LYPLAL1: variants seen among roughly 807,000 people sequenced by gnomAD.
The protein encoded by LYPLAL1 is lysophospholipase like 1.
In LYPLAL1, 23 loss-of-function variants were observed where a neutral mutation model predicts 19.7. The observed-to-expected ratio is 1.17, with a 90% confidence interval of 0.84 to 1.65. The LOEUF (loss-of-function observed/expected upper bound fraction) is 1.65. LYPLAL1 is among the 40% of genes most tolerant of loss of function. The probability of loss-of-function intolerance (pLI) is 0.00; values close to 1 mark genes in which losing one functional copy is unlikely to be tolerated. For synonymous variants in LYPLAL1, 119 were observed against 96.3 expected, an observed-to-expected ratio of 1.24 and a Z score of -1.38; for missense variants, 355 against 279.4, an observed-to-expected ratio of 1.27 and a Z score of -1.93.
downstream of LYPLAL1, among the ~76,000 whole-genome samples, chr1:219,217,244 T>A (rs921633969): frequency 6.6e-6 from 1 of 152,132 alleles, no homozygotes; most frequent in Non-Finnish European, 1.5e-5. Flanking sequence ...GCTTGTGACA[T>A]GTTCAGTGTA....
chr1:219,292,598 C>T, the LYPLAL1 span, among the ~76,000 whole-genome samples: 2 of 152,294 alleles, frequency 1.3e-5, no homozygotes, highest in South Asian at 4.1e-4. Context: ...TTCCCCAGCA[C>T]AGCTGCCTTT....
chr1:219,248,850 G>C, the LYPLAL1 span, among the ~76,000 whole-genome samples: 1 of 151,908 alleles, frequency 6.6e-6, no homozygotes, highest in Non-Finnish European at 1.5e-5. Flanking sequence ...ACAGATAAAC[G>C]CAAAGAAAAT....
chr1:219,313,469 T>C, the LYPLAL1 span, among the ~76,000 whole-genome samples: 1 of 152,158 alleles, frequency 6.6e-6, no homozygotes, highest in Non-Finnish European at 1.5e-5. Context: ...TGTGAAAATT[T>C]ATTCAAAAAT....
the LYPLAL1 span, among the ~76,000 whole-genome samples, chr1:219,397,285 T>G: frequency 6.6e-6 from 1 of 152,168 alleles, no homozygotes. Context: ...TGGTGGGTAA[T>G]CTTTTTGATG....
At chr1:219,370,000 TG>T in the LYPLAL1 span, among the ~76,000 whole-genome samples, 2 of 152,194 alleles carry the variant, frequency 1.3e-5, no homozygotes, top group Non-Finnish European at 2.9e-5. Context: ...AAGGTAGAGT[TG>T]GAGCATAAGC....
the LYPLAL1 span, among the ~76,000 whole-genome samples, chr1:219,325,483 T>A: frequency 6.6e-6 from 1 of 152,218 alleles, no homozygotes; most frequent in Non-Finnish European, 1.5e-5. Context: ...TATAGTAGAC[T>A]TAATAGTAGT....
At chr1:219,285,794 A>G in the LYPLAL1 span, among the ~76,000 whole-genome samples, 1 of 152,230 alleles carries the variant, frequency 6.6e-6, no homozygotes, top group South Asian at 2.1e-4. Flanking sequence ...GAAGCTAGAT[A>G]GAGGTGGTGG....
chr1:219,332,853 G>A, the LYPLAL1 span, among the ~76,000 whole-genome samples: 1 of 146,816 alleles, frequency 6.8e-6, no homozygotes, highest in African/African-American at 2.5e-5. Flanking sequence ...CCAGATGGAA[G>A]GATTACCACC....
At chr1:219,407,574 G>C in the LYPLAL1 span, among the ~76,000 whole-genome samples, 1 of 152,196 alleles carries the variant, frequency 6.6e-6, no homozygotes, top group Non-Finnish European at 1.5e-5. Flanking sequence ...GAGGATGTGA[G>C]AGGTATGTTT....
chr1:219,444,201 G>T, the LYPLAL1 span, among the ~76,000 whole-genome samples: 1 of 152,120 alleles, frequency 6.6e-6, no homozygotes, highest in Admixed American at 6.5e-5. Flanking sequence ...TAGGTATAAT[G>T]AATTTAAAAC....
At chr1:219,290,655 T>A in the LYPLAL1 span, among the ~76,000 whole-genome samples, 2 of 152,168 alleles carry the variant, frequency 1.3e-5, no homozygotes, top group African/African-American at 4.8e-5. Context: ...AATGCCCTTC[T>A]CTGTCTGCGG....
At chr1:219,176,376 C>G (rs1655811345) in intron 1 of LYPLAL1, among the ~76,000 whole-genome samples, 1 of 152,118 alleles carries the variant, frequency 6.6e-6, no homozygotes, top group African/African-American at 2.4e-5. Flanking sequence ...AAGCCCAAAC[C>G]ATGTGTCTTG....
chr1:219,334,173 T>G, the LYPLAL1 span, among the ~76,000 whole-genome samples: 7 of 151,924 alleles, frequency 4.6e-5, no homozygotes, highest in African/African-American at 9.7e-5. Flanking sequence ...GAAAGAACCT[T>G]GAAAAAGGAG....
chr1:219,403,497 G>A, the LYPLAL1 span, among the ~76,000 whole-genome samples: 89 of 152,264 alleles, frequency 5.8e-4, 1 homozygote, highest in Non-Finnish European at 6.6e-4. Context: ...CACAAGAGGA[G>A]TAAACAATCT....
the LYPLAL1 span, among the ~76,000 whole-genome samples, chr1:219,330,627 A>T: frequency 6.6e-6 from 1 of 152,358 alleles, no homozygotes; most frequent in African/African-American, 2.4e-5. Context: ...TAAGCTAAAA[A>T]GAAGGCACCT....
the LYPLAL1 span, among the ~76,000 whole-genome samples, chr1:219,391,692 A>C: frequency 1.8e-4 from 28 of 152,118 alleles, no homozygotes; most frequent in Non-Finnish European, 3.2e-4. Flanking sequence ...AGGAACTGAT[A>C]TTCAAGCTAT....
chr1:219,240,648 C>T, the LYPLAL1 span, among the ~76,000 whole-genome samples: 1 of 152,124 alleles, frequency 6.6e-6, no homozygotes, highest in Non-Finnish European at 1.5e-5. Flanking sequence ...AAAATGAATA[C>T]TTTAGCACTA....
At chr1:219,314,924 G>A in the LYPLAL1 span, among the ~76,000 whole-genome samples, 1 of 148,878 alleles carries the variant, frequency 6.7e-6, no homozygotes, top group Non-Finnish European at 1.5e-5. Flanking sequence ...TTGGAAAACA[G>A]TGTCTTAAAA....
intron 2 of LYPLAL1, among the ~76,000 whole-genome samples, chr1:219,190,677 A>C (rs1052152161): frequency 6.0e-5 from 9 of 149,124 alleles, no homozygotes; most frequent in East Asian, 2.0e-4. Flanking sequence ...ATCAATATTC[A>C]AAATAGACTT....
Sources: gnomAD v4.1 joint callset for allele counts (sites outside exome capture counted in the v4.1 genomes callset) on GRCh38, gnomAD v4.1.1 for gene constraint, MANE v1.5 for transcripts, NCBI Gene and HGNC (gene_info 2026-07-23, HGNC 2026-07-21) for gene names.